Variants in NCAM2 observed in about 807,000 individuals in gnomAD.
NCAM2 encodes N-CAM-2.
NCAM2 carries 30 observed loss-of-function variants against 98.1 expected under a neutral mutation model. The observed-to-expected ratio is 0.31, with a 90% CI of 0.23 to 0.41. The LOEUF (loss-of-function observed/expected upper bound fraction) is 0.41, where lower values mean the gene tolerates loss of function less well. Among genes scored for constraint, NCAM2 ranks in the 10% least tolerant of loss-of-function variants. The pLI is 1.00. For missense variants in NCAM2, 867 were observed against 1,005.8 expected (o/e 0.86, Z 1.87); for synonymous variants, 368 against 342.4 (o/e 1.07, Z -0.83).
intron 1 of NCAM2, among the ~76,000 whole-genome samples, chr21:21,007,384 A>G (rs907529617): frequency 1.3e-5 from 2 of 152,212 alleles, no homozygotes; most frequent in Non-Finnish European, 2.9e-5. Flanking sequence ...GGGCAAGTCC[A>G]TAGAGTAAAG....
intron 1 of NCAM2, among the ~76,000 whole-genome samples, chr21:21,034,065 A>T (rs909878035): frequency 6.6e-6 from 1 of 151,830 alleles, no homozygotes; most frequent in African/African-American, 2.4e-5. Context: ...GGGGGGGGAA[A>T]CAAAGATTGA....
At chr21:21,395,614 C>G (rs2076487445) in intron 9 of NCAM2, among the ~76,000 whole-genome samples, 1 of 152,026 alleles carries the variant, frequency 6.6e-6, no homozygotes, top group African/African-American at 2.4e-5. Flanking sequence ...TACCCAACTT[C>G]AAACTATACT....
intron 1 of NCAM2, among the ~76,000 whole-genome samples, chr21:21,065,300 A>T (rs545375252): frequency 6.6e-6 from 1 of 152,350 alleles, no homozygotes; most frequent in South Asian, 2.1e-4. Flanking sequence ...ATCCCATTTA[A>T]CAAGCAATTA....
chr21:21,083,353 TG>T (rs1412935476), intron 1 of NCAM2, among the ~76,000 whole-genome samples: 1 of 152,178 alleles, frequency 6.6e-6, no homozygotes, highest in Admixed American at 6.5e-5. Context: ...TTCAAATTGT[TG>T]GAACTAGTTT....
At chr21:21,458,466 G>C (rs1418388614) in intron 12 of NCAM2, among the ~76,000 whole-genome samples, 1 of 152,210 alleles carries the variant, frequency 6.6e-6, no homozygotes, top group Non-Finnish European at 1.5e-5. Context: ...GCACACTTAG[G>C]GGCAGTGTGG....
At chr21:21,122,339 T>C (rs1228528622) in intron 1 of NCAM2, among the ~76,000 whole-genome samples, 2 of 152,194 alleles carry the variant, frequency 1.3e-5, no homozygotes, top group African/African-American at 2.4e-5. Flanking sequence ...CTCCATATAC[T>C]GTATAAAGCC....
intron 16 of NCAM2, among the ~76,000 whole-genome samples, chr21:21,525,706 C>G (rs1282932334): frequency 6.6e-6 from 1 of 152,022 alleles, no homozygotes; most frequent in Non-Finnish European, 1.5e-5. Context: ...AAAGATATGA[C>G]AAGAAAACCA....
intron 1 of NCAM2, among the ~76,000 whole-genome samples, chr21:21,172,373 A>G (rs1217455586): frequency 6.6e-6 from 1 of 152,106 alleles, no homozygotes; most frequent in Non-Finnish European, 1.5e-5. Flanking sequence ...ATTTTGACCT[A>G]ACATGTTTGA....
rs769843733 is a variant in NCAM2 at position 21,239,658 on chromosome 21, C to G, written c.56-40920C>G. On this transcript the variant is annotated intron_variant, in intron 1 of 17. Coordinates refer to ENST00000400546, the MANE Select transcript of NCAM2 (RefSeq NM_004540.5). ...TCAGTAATAAATGTAGACACTGATT[C>G]CTAAAAGGTGGAATTTTTTTTTTCT... is the stretch of plus-strand genomic sequence containing the variant. 2.6e-5 allele frequency among the ~76,000 whole-genome samples: 4 copies of G among 152,106 alleles called. No individual in the cohort carries two copies. In the South Asian group the frequency reaches 8.3e-4, roughly 32 times the overall value.
At chr21:21,473,411 C>T (rs1213631205) in intron 14 of NCAM2, among the ~76,000 whole-genome samples, 2 of 141,508 alleles carry the variant, frequency 1.4e-5, no homozygotes, top group Non-Finnish European at 3.0e-5. Context: ...AAAATCCAGA[C>T]TGATCAATCA....
chr21:21,126,258 A>AAAAAAAC (rs2066821916), intron 1 of NCAM2, among the ~76,000 whole-genome samples: 1 of 149,472 alleles, frequency 6.7e-6, no homozygotes, highest in East Asian at 1.9e-4. Flanking sequence ...AAAAAAAAAA[A>AAAAAAAC]TCGCAGAAAA....
chr21:21,476,078 G>T (rs1382515438), intron 14 of NCAM2, among the ~76,000 whole-genome samples: 2 of 152,084 alleles, frequency 1.3e-5, no homozygotes, highest in African/African-American at 2.4e-5. Flanking sequence ...CAAAAATGGA[G>T]AATACATCGT....
chr21:21,064,073 G>A (rs990249601), intron 1 of NCAM2, among the ~76,000 whole-genome samples: 1 of 152,156 alleles, frequency 6.6e-6, no homozygotes, highest in African/African-American at 2.4e-5. Flanking sequence ...TTAAGTAGAA[G>A]GAGCAGAGTG....
At chr21:21,337,813 A>C (rs2147871816) in intron 7 of NCAM2, among the ~76,000 whole-genome samples, 1 of 152,110 alleles carries the variant, frequency 6.6e-6, no homozygotes, top group Admixed American at 6.6e-5. Context: ...CAAGTGGAAT[A>C]ATATATATAA....
intron 1 of NCAM2, among the ~76,000 whole-genome samples, chr21:21,129,349 G>A (rs1339332416): frequency 1.3e-5 from 2 of 152,108 alleles, no homozygotes; most frequent in African/African-American, 4.8e-5. Flanking sequence ...ACATCCAAAT[G>A]TCTTATTAAT....
chr21:21,432,068 T>A (rs1045428858), intron 11 of NCAM2, 40 bp from the exon 12 acceptor site: 2 of 1,585,178 alleles, frequency 1.3e-6, no homozygotes, highest in African/African-American at 2.7e-5. Context: ...GCCATTCCCA[T>A]TCCCTTGGTT....
At chr21:21,462,411 C>T (rs113011453) in intron 12 of NCAM2, among the ~76,000 whole-genome samples, 5 of 152,074 alleles carry the variant, frequency 3.3e-5, no homozygotes, top group Admixed American at 2.0e-4. Context: ...TAGTTGATGT[C>T]GTTGCTGCAA....
chr21:21,483,912 A>AT (rs1176257043), intron 15 of NCAM2, among the ~76,000 whole-genome samples: 4 of 152,104 alleles, frequency 2.6e-5, no homozygotes, highest in African/African-American at 9.7e-5. Context: ...TGAATATGCA[A>AT]TTTTCACTTA....
At chr21:21,233,400 CA>C (rs1156501211) in intron 1 of NCAM2, among the ~76,000 whole-genome samples, 1 of 151,576 alleles carries the variant, frequency 6.6e-6, no homozygotes, top group African/African-American at 2.4e-5. Flanking sequence ...AATATGATTT[CA>C]TTTTTTTATT....
Sources: allele counts gnomAD v4.1 joint callset (sites outside exome capture counted in the v4.1 genomes callset), GRCh38; gene constraint gnomAD v4.1.1; transcripts MANE v1.5; gene names NCBI Gene and HGNC (gene_info 2026-07-23, HGNC 2026-07-21).